Variants in HK1 observed in about 807,000 individuals in gnomAD.
HK1 encodes the protein hexokinase-1.
HK1 carries 28 observed loss-of-function variants against 91.6 expected under a neutral mutation model. The ratio of observed to expected loss-of-function variants is 0.31; its 90% CI spans 0.23 to 0.42. HK1 has a LOEUF of 0.42. HK1 is among the 10% of genes least tolerant of loss of function. The pLI, the probability that HK1 is intolerant of heterozygous loss-of-function variation, is 1.00. For missense variants in HK1, 770 were observed against 1,219.8 expected (o/e 0.63, Z 5.49); for synonymous variants, 430 against 468.1 (o/e 0.92, Z 1.05).
At chr10:69,284,509 G>A (rs1844920760) in intron 2 of HK1, among the ~76,000 whole-genome samples, 1 of 150,838 alleles carries the variant, frequency 6.6e-6, no homozygotes, top group Non-Finnish European at 1.5e-5. Context: ...TCACTGGAAA[G>A]GAAGAAGGAA....
intron 1 of HK1, among the ~76,000 whole-genome samples, chr10:69,273,032 CTTT>C (rs745403867): frequency 1.5e-5 from 2 of 130,616 alleles, no homozygotes; most frequent in Non-Finnish European, 3.3e-5. Context: ...TCTTTTTTAC[CTTT>C]TTTTTTTTTT....
At chr10:69,284,458 T>A (rs565832658) in intron 2 of HK1, among the ~76,000 whole-genome samples, 2 of 152,068 alleles carry the variant, frequency 1.3e-5, no homozygotes, top group East Asian at 3.9e-4. Context: ...AGTGGGTACA[T>A]CCTCTCTGAA....
intron 7 of HK1, among the ~76,000 whole-genome samples, chr10:69,372,226 A>G (rs779847951): frequency 2.0e-5 from 3 of 152,196 alleles, no homozygotes; most frequent in Non-Finnish European, 4.4e-5. Context: ...CCACTACAAC[A>G]TGGGAATTCA....
intron 5 of HK1, among the ~76,000 whole-genome samples, chr10:69,302,310 G>A (rs1157896768): frequency 6.6e-6 from 1 of 151,222 alleles, no homozygotes; most frequent in Non-Finnish European, 1.5e-5. Context: ...CTAACATTAG[G>A]ATAATTATAT....
intron 8 of HK1, among the ~76,000 whole-genome samples, chr10:69,378,167 G>A (rs555940168): frequency 5.9e-5 from 9 of 152,258 alleles, no homozygotes; most frequent in South Asian, 2.1e-4. Flanking sequence ...CGGGAGACTC[G>A]TGGATTGTCT....
intron 3 of HK1, among the ~76,000 whole-genome samples, chr10:69,293,132 C>T (rs10823333): frequency 0.21 from 31,925 of 152,098 alleles, 3,498 homozygotes; most frequent in South Asian, 0.26. Flanking sequence ...TTTTTATTCA[C>T]CCCCCTGCTC....
chr10:69,279,998 C>T (rs1426654747), intron 1 of HK1, among the ~76,000 whole-genome samples: 1 of 152,178 alleles, frequency 6.6e-6, no homozygotes, highest in Non-Finnish European at 1.5e-5. Context: ...TATTGTCATC[C>T]TTGGGCAGAC....
intron 4 of HK1, among the ~76,000 whole-genome samples, chr10:69,298,935 T>C (rs552821359): frequency 6.6e-6 from 1 of 151,236 alleles, no homozygotes; most frequent in Non-Finnish European, 1.5e-5. Context: ...TTCATCTTTA[T>C]CTCTTTATTT....
At chr10:69,376,847 G>A in intron 7 of HK1, 87 bp from the exon 8 acceptor site, 2 of 1,536,980 alleles carry the variant, frequency 1.3e-6, no homozygotes, top group Admixed American at 1.7e-5. Context: ...GTGAGTCGGG[G>A]CTTCCCATTC....
chr10:69,368,407 T>C, intron 4 of HK1, 129 bp from the exon 5 acceptor site: 3 of 758,326 alleles, frequency 4.0e-6, no homozygotes, highest in Non-Finnish European at 7.0e-6. Context: ...CCAAGCCCAG[T>C]GTGATCTGGG....
At chr10:69,386,549 C>T (rs1193994094) in intron 13 of HK1, 131 bp downstream of exon 13, 10 of 644,742 alleles carry the variant, frequency 1.6e-5, no homozygotes, top group East Asian at 6.9e-5. Flanking sequence ...TTTGGGAGGC[C>T]GAGGCGGGTG....
chr10:69,335,933 G>T (rs560433023), intron 1 of HK1, among the ~76,000 whole-genome samples: 1 of 152,040 alleles, frequency 6.6e-6, no homozygotes, highest in Non-Finnish European at 1.5e-5. Flanking sequence ...AATAGGAAGC[G>T]GGAAGTAGGT....
At chr10:69,332,983 G>C (rs1847812057) in intron 1 of HK1, among the ~76,000 whole-genome samples, 1 of 152,134 alleles carries the variant, frequency 6.6e-6, no homozygotes, top group Admixed American at 6.5e-5. Flanking sequence ...CTGCATGTCT[G>C]TGTGCCCTGG....
At chr10:69,339,917 C>T (rs1848207258) in intron 1 of HK1, among the ~76,000 whole-genome samples, 1 of 152,170 alleles carries the variant, frequency 6.6e-6, no homozygotes, top group African/African-American at 2.4e-5. Flanking sequence ...CCATCAGTTT[C>T]TGTGTCTGTA....
chr10:69,374,011 A>T (rs936695168), intron 7 of HK1, among the ~76,000 whole-genome samples: 2 of 152,090 alleles, frequency 1.3e-5, no homozygotes, highest in African/African-American at 4.8e-5. Flanking sequence ...CCCACCCCAC[A>T]CAACAACACA....
intron 3 of HK1, among the ~76,000 whole-genome samples, chr10:69,364,503 G>A (rs1314645126): frequency 1.3e-5 from 2 of 152,084 alleles, no homozygotes; most frequent in African/African-American, 2.4e-5. Flanking sequence ...GTACCCAGAT[G>A]TTGCATATTA....
At chr10:69,360,631 C>G (rs1589538714) in intron 3 of HK1, among the ~76,000 whole-genome samples, 1 of 152,226 alleles carries the variant, frequency 6.6e-6, no homozygotes, top group Non-Finnish European at 1.5e-5. Flanking sequence ...TGGGGCTCCC[C>G]ACGCTGGGCC....
intron 13 of HK1, among the ~76,000 whole-genome samples, chr10:69,388,210 C>T (rs1839736217): frequency 6.6e-6 from 1 of 152,122 alleles, no homozygotes; most frequent in African/African-American, 2.4e-5. Context: ...GAGGCCAAGG[C>T]AGGAGGAACG....
intron 1 of HK1, among the ~76,000 whole-genome samples, chr10:69,341,881 C>T (rs998180536): frequency 2.0e-5 from 3 of 152,060 alleles, no homozygotes; most frequent in East Asian, 3.9e-4. Flanking sequence ...CATCCTTGGG[C>T]GCAGAGAGTG....
Sources: gnomAD v4.1 joint callset for allele counts (sites outside exome capture counted in the v4.1 genomes callset) on GRCh38, gnomAD v4.1.1 for gene constraint, MANE v1.5 for transcripts, NCBI Gene and HGNC (gene_info 2026-07-23, HGNC 2026-07-21) for gene names.